ENAH: variants seen among roughly 807,000 people sequenced by gnomAD.
ENAH encodes ENAH actin regulator, also known as protein enabled homolog.
A neutral mutation model predicts 78.7 loss-of-function variants in ENAH; 23 were observed. The observed-to-expected ratio is 0.29, with a 90% CI of 0.21 to 0.41. The LOEUF (loss-of-function observed/expected upper bound fraction) is 0.41, where lower values mean the gene tolerates loss of function less well. Among genes scored for constraint, ENAH ranks in the 10% least tolerant of loss-of-function variants. ENAH has a pLI of 1.00. For missense variants in ENAH, 544 were observed against 691.0 expected (o/e 0.79, Z 2.39); for synonymous variants, 226 against 241.0 (o/e 0.94, Z 0.58).
chr1:225,529,951 A>G (rs12564648), intron 4 of ENAH, among the ~76,000 whole-genome samples: 5,046 of 152,244 alleles, frequency 0.033, 114 homozygotes, highest in East Asian at 0.091. Flanking sequence ...GCCTCAGATG[A>G]GTTGGGGCTT....
chr1:225,600,454 G>A (rs896643138), intron 1 of ENAH, among the ~76,000 whole-genome samples: 2 of 152,138 alleles, frequency 1.3e-5, no homozygotes, highest in African/African-American at 4.8e-5. Context: ...ATGTTAGGTT[G>A]GTGCAGAAGT....
At chr1:225,602,579 G>A (rs1558890523) in intron 1 of ENAH, among the ~76,000 whole-genome samples, 1 of 151,926 alleles carries the variant, frequency 6.6e-6, no homozygotes, top group Non-Finnish European at 1.5e-5. Context: ...TTTAATCTAT[G>A]CAAACCTGGA....
chr1:225,517,670 G>A (rs1223118482), intron 5 of ENAH: 2 of 1,551,172 alleles, frequency 1.3e-6, no homozygotes, highest in Non-Finnish European at 1.7e-6. Flanking sequence ...TTCGTAGCTG[G>A]AGGCTGAGAA....
intron 1 of ENAH, among the ~76,000 whole-genome samples, chr1:225,585,755 C>A (rs962894433): frequency 2.0e-5 from 3 of 151,864 alleles, no homozygotes; most frequent in African/African-American, 7.3e-5. Flanking sequence ...TACCACTGCA[C>A]TCCAGCCTAG....
In ENAH at chr1:225,497,676, T is replaced by C; in HGVS notation, c.*99A>G. The C allele has an allele frequency of 8.1e-7, 1 of 1,227,490 alleles. No individual in the cohort carries two copies. The highest frequency in any genetic ancestry group is 2.4e-5 in the East Asian group (1 of 41,754). 76.0% of individuals were successfully genotyped at this position (1,227,490 alleles called of 1,614,324 possible). A position where few individuals can be genotyped will look rare whatever the true frequency, so the allele number is the denominator to read the frequency against. On this transcript the variant is annotated 3_prime_UTR_variant, in exon 14 of 14. Coordinates refer to ENST00000366843, the MANE Select transcript of ENAH (RefSeq NM_018212.6). ...CTTCTGTTTGTCTCCATTTTCTTCT[T>C]ACAGCTCATAAATGTAGGGGTTTGC... is the stretch of plus-strand genomic sequence containing the variant.
At chr1:225,632,497 C>CAAA (rs55973162) in intron 1 of ENAH, among the ~76,000 whole-genome samples, 9 of 102,448 alleles carry the variant, frequency 8.8e-5, no homozygotes, top group Middle Eastern at 5.4e-3. Context: ...GACTCCGTCT[C>CAAA]AAAAAAAAAA....
chr1:225,626,950 T>G (rs1658058186), intron 1 of ENAH, among the ~76,000 whole-genome samples: 1 of 152,214 alleles, frequency 6.6e-6, no homozygotes, highest in African/African-American at 2.4e-5. Context: ...AGAGGAATGG[T>G]ATTTCACGAC....
At chr1:225,588,260 A>G (rs17502774) in intron 1 of ENAH, among the ~76,000 whole-genome samples, 6,619 of 152,316 alleles carry the variant, frequency 0.043, 236 homozygotes, top group South Asian at 0.12. Flanking sequence ...TCTACGAAAC[A>G]TAAATCTGAC....
At chr1:225,525,148 T>C (rs1375763736) in intron 4 of ENAH, among the ~76,000 whole-genome samples, 1 of 152,218 alleles carries the variant, frequency 6.6e-6, no homozygotes, top group African/African-American at 2.4e-5. Flanking sequence ...GTAATTCATT[T>C]AGAACTATTA....
intron 5 of ENAH, chr1:225,517,630 G>A (rs746398123): frequency 1.2e-5 from 18 of 1,550,714 alleles, no homozygotes; most frequent in Admixed American, 9.8e-5. Context: ...AGGGAGGGGC[G>A]AAAAATTGGA....
At chr1:225,524,842 T>C (rs925408950) in intron 4 of ENAH, among the ~76,000 whole-genome samples, 1 of 152,238 alleles carries the variant, frequency 6.6e-6, no homozygotes, top group African/African-American at 2.4e-5. Context: ...TTCCTCATCA[T>C]GGCCAAGCCA....
chr1:225,572,801 T>C (rs1306840935), intron 1 of ENAH, among the ~76,000 whole-genome samples: 3 of 152,232 alleles, frequency 2.0e-5, no homozygotes, highest in African/African-American at 7.2e-5. Context: ...GGCACTAAAT[T>C]AGTTATAAAC....
At position 225,495,763 on chromosome 1, in the gene ENAH, A is replaced by G. The variant is rs527668308; in HGVS notation, c.*2012T>C. The G allele has an allele frequency of 6.5e-6, 1 of 152,724 alleles. No individual in the cohort carries two copies. Among genetic ancestry groups the G allele is most frequent in the South Asian group, 2.1e-4 (1 of 4,830 alleles). 9.5% of individuals were successfully genotyped at this position (152,724 alleles called of 1,614,324 possible). A position where few individuals can be genotyped will look rare whatever the true frequency, so the allele number is the denominator to read the frequency against. On this transcript the variant is annotated 3_prime_UTR_variant, in exon 14 of 14. Coordinates refer to ENST00000366843, the MANE Select transcript of ENAH (RefSeq NM_018212.6). The stretch of plus-strand genomic sequence containing the variant: ...AAATGCCTCCTATTTCTTTTAGAAA[A>G]TAATACTTAATAAGCTTGCTGCATC...
chr1:225,646,405 A>T (rs942849397), intron 1 of ENAH, among the ~76,000 whole-genome samples: 2 of 151,960 alleles, frequency 1.3e-5, no homozygotes, highest in Non-Finnish European at 2.9e-5. Context: ...TCCCATACCC[A>T]CCCTACCATG....
At chr1:225,569,673 C>T (rs2096751373) in intron 1 of ENAH, among the ~76,000 whole-genome samples, 1 of 151,946 alleles carries the variant, frequency 6.6e-6, no homozygotes, top group Non-Finnish European at 1.5e-5. Context: ...TGAACATATC[C>T]AAGTAGCCAA....
chr1:225,512,146 G>C (rs915602914), intron 9 of ENAH, among the ~76,000 whole-genome samples: 1 of 152,208 alleles, frequency 6.6e-6, no homozygotes, highest in Non-Finnish European at 1.5e-5. Flanking sequence ...TGGCATCTAA[G>C]GTGGCCAGAT....
rs377673558 is a variant in ENAH at position 225,583,811 on chromosome 1, A to AT, written c.6-16398_6-16397insA. 2.3e-3 allele frequency among the ~76,000 whole-genome samples: 344 copies of AT among 148,952 alleles called. 1 individual carries two copies. Among genetic ancestry groups the AT allele is most frequent in the African/African-American group, 7.7e-3 (317 of 40,928 alleles). ...CAACAAGAGCAAACCTCCATCTCAA[A>AT]AAAAAAAAAAGAAAAGAAAGAAAGA... is the stretch of plus-strand genomic sequence containing the variant. On this transcript the variant is annotated intron_variant, in intron 1 of 13. Coordinates refer to ENST00000366843, the MANE Select transcript of ENAH (RefSeq NM_018212.6).
At chr1:225,568,146 G>GA (rs1327871183) in intron 1 of ENAH, among the ~76,000 whole-genome samples, 1 of 152,124 alleles carries the variant, frequency 6.6e-6, no homozygotes, top group Non-Finnish European at 1.5e-5. Context: ...TATTAAAGGG[G>GA]AAAAGGCCAA....
rs2096569684 is a variant in ENAH at position 225,537,854 on chromosome 1, TG to T, written c.350-7217del. Among the ~76,000 whole-genome samples the T allele has an allele frequency of 2.6e-5, 4 of 152,202 alleles. No homozygotes were observed. In the South Asian group the frequency reaches 8.3e-4, roughly 32 times the overall value. On this transcript the variant is annotated intron_variant, in intron 3 of 13. Transcript: ENST00000366843. ...TACAAGCAGGGAAATGTAGAAACGCTGGGTAAGTTAGCAGTAGTGGAAAACG... is the reference window on the plus strand; with the variant it reads ...TACAAGCAGGGAAATGTAGAAACGCTGGTAAGTTAGCAGTAGTGGAAAACG...
Sources: allele counts gnomAD v4.1 joint callset (sites outside exome capture counted in the v4.1 genomes callset), GRCh38; gene constraint gnomAD v4.1.1; transcripts MANE v1.5; gene names NCBI Gene and HGNC (gene_info 2026-07-23, HGNC 2026-07-21).